Variants in SLIT2 observed in about 807,000 individuals in gnomAD.
The protein encoded by SLIT2 is slit homolog 2 protein.
Under a neutral mutation model 185.7 loss-of-function variants are expected in SLIT2, and 41 were observed. The observed-to-expected ratio is 0.22, with a 90% CI of 0.17 to 0.29. The LOEUF is 0.29. Ranked by LOEUF, SLIT2 falls within the 10% of genes least tolerant of loss-of-function variation. The probability of loss-of-function intolerance (pLI) is 1.00; values close to 1 mark genes in which losing one functional copy is unlikely to be tolerated. For synonymous variants in SLIT2, 693 were observed against 680.2 expected (o/e 1.02, Z -0.29); for missense variants, 1,571 against 1,909.0 (o/e 0.82, Z 3.30).
chr4:20,310,685 C>T (rs1057479192), intron 4 of SLIT2, among the ~76,000 whole-genome samples: 2 of 152,182 alleles, frequency 1.3e-5, no homozygotes, highest in Non-Finnish European at 2.9e-5. Context: ...CCTAAACCCA[C>T]GCCCCTGCAG....
At chr4:20,394,536 C>T (rs574031003) in intron 4 of SLIT2, 1 of 151,968 alleles carries the variant, frequency 6.6e-6, no homozygotes, top group South Asian at 2.1e-4. Flanking sequence ...TAGGAGACAA[C>T]TCTGCACTGT....
intron 36 of SLIT2, 29 bp from the exon 37 acceptor site, chr4:20,618,739 A>G: frequency 5.1e-6 from 8 of 1,558,470 alleles, no homozygotes; most frequent in Non-Finnish European, 7.0e-6. Flanking sequence ...ACTGTTCTTA[A>G]AATGCTTGTG....
chr4:20,536,266 C>A (rs756934803), intron 18 of SLIT2, among the ~76,000 whole-genome samples: 2 of 152,148 alleles, frequency 1.3e-5, no homozygotes, highest in Admixed American at 6.5e-5. Context: ...TTTATAAACA[C>A]TGTACACGGC....
intron 5 of SLIT2, among the ~76,000 whole-genome samples, chr4:20,469,510 G>A (rs1249106501): frequency 2.6e-5 from 4 of 152,036 alleles, no homozygotes; most frequent in African/African-American, 4.8e-5. Context: ...ACAGAAGCTA[G>A]TCAGTGTTCT....
chr4:20,466,122 T>C (rs1714325617), intron 4 of SLIT2, among the ~76,000 whole-genome samples: 1 of 152,200 alleles, frequency 6.6e-6, no homozygotes, highest in Non-Finnish European at 1.5e-5. Context: ...TCATTTCTTA[T>C]TACTTTCTTA....
At chr4:20,342,138 A>C (rs1721008712) in intron 4 of SLIT2, among the ~76,000 whole-genome samples, 1 of 152,144 alleles carries the variant, frequency 6.6e-6, no homozygotes, top group Admixed American at 6.5e-5. Context: ...ATTTATTATT[A>C]CTAGTTAATT....
chr4:20,320,048 G>A (rs994801160), intron 4 of SLIT2, among the ~76,000 whole-genome samples: 12 of 152,164 alleles, frequency 7.9e-5, no homozygotes, highest in Non-Finnish European at 1.5e-4. Flanking sequence ...CAGGGATGTA[G>A]TCACTGTACA....
At chr4:20,407,701 G>C (rs946723644) in intron 4 of SLIT2, among the ~76,000 whole-genome samples, 4 of 152,112 alleles carry the variant, frequency 2.6e-5, no homozygotes, top group African/African-American at 9.7e-5. Flanking sequence ...TTTTTTGTTT[G>C]AGTTAAGCTA....
At chr4:20,304,213 A>G (rs1417809408) in intron 4 of SLIT2, among the ~76,000 whole-genome samples, 1 of 152,182 alleles carries the variant, frequency 6.6e-6, no homozygotes, top group Non-Finnish European at 1.5e-5. Flanking sequence ...CATTGGATGA[A>G]TGATGCTACT....
At chr4:20,297,605 A>C (rs765488896) in intron 4 of SLIT2, among the ~76,000 whole-genome samples, 7 of 152,174 alleles carry the variant, frequency 4.6e-5, no homozygotes, top group Non-Finnish European at 8.8e-5. Context: ...AAATAGGCTA[A>C]CTGAAATAGG....
intron 26 of SLIT2, among the ~76,000 whole-genome samples, chr4:20,559,732 T>A (rs930261685): frequency 6.6e-6 from 1 of 151,984 alleles, no homozygotes; most frequent in Admixed American, 6.6e-5. Context: ...AAGCAATTTT[T>A]AAAAATCACT....
At chr4:20,303,184 T>A (rs1478193923) in intron 4 of SLIT2, among the ~76,000 whole-genome samples, 1 of 152,224 alleles carries the variant, frequency 6.6e-6, no homozygotes, top group East Asian at 1.9e-4. Context: ...CTTTGGATTC[T>A]GTTTGTAAAA....
At chr4:20,523,664 T>A in intron 12 of SLIT2, 96 bp from the exon 13 acceptor site, 1 of 960,210 alleles carries the variant, frequency 1.0e-6, no homozygotes, top group Non-Finnish European at 1.6e-6. Flanking sequence ...TGAAAAGAAA[T>A]ATATTTCTTG....
At chr4:20,368,448 A>T (rs537702229) in intron 4 of SLIT2, among the ~76,000 whole-genome samples, 1 of 152,130 alleles carries the variant, frequency 6.6e-6, no homozygotes, top group East Asian at 1.9e-4. Flanking sequence ...TTTGTTAAAG[A>T]TAATTGAAAA....
At chr4:20,417,534 A>G (rs1055712624) in intron 4 of SLIT2, among the ~76,000 whole-genome samples, 4 of 149,662 alleles carry the variant, frequency 2.7e-5, no homozygotes, top group South Asian at 2.1e-4. Context: ...ATATATATAT[A>G]TGTATATATA....
rs1389768696 is a variant in SLIT2 at position 20,484,303 on chromosome 4, T to C, written c.540-1897T>C. 6.6e-6 allele frequency among the ~76,000 whole-genome samples: 1 copy of C among 152,112 alleles called. No homozygotes were observed. Among genetic ancestry groups the C allele is most frequent in the Non-Finnish European group, 1.5e-5 (1 of 68,002 alleles). ...TGAAAGCAAATCCCATTGAGAAGTT[T>C]AACCTTTGCATTCAAACATCAGGAT... On this transcript the variant is annotated intron_variant, in intron 6 of 36. Coordinates refer to ENST00000504154, the MANE Select transcript of SLIT2 (RefSeq NM_004787.4). This position sits in a 1 kb window ranked among gnomAD's most constrained non-coding sequence, Gnocchi z 4.3.
At chr4:20,563,225 C>T (rs962965316) in intron 26 of SLIT2, among the ~76,000 whole-genome samples, 3 of 151,852 alleles carry the variant, frequency 2.0e-5, no homozygotes, top group Admixed American at 6.6e-5. Context: ...AAAACCAAAT[C>T]TTAAATCAAT....
rs553832725 is a variant in SLIT2 at position 20,427,430 on chromosome 4, C to T, written c.396-40322C>T. Among the ~76,000 whole-genome samples the T allele has an allele frequency of 2.6e-3, 398 of 152,282 alleles. 1 individual carries two copies. Among genetic ancestry groups the T allele is most frequent in the Middle Eastern group, 6.8e-3 (2 of 294 alleles). On this transcript the variant is annotated intron_variant, in intron 4 of 36. Coordinates refer to ENST00000504154, the MANE Select transcript of SLIT2 (RefSeq NM_004787.4). ...CTTACACAATAAGTCTGTACATCCA[C>T]AGAATCAAAGATATTTGGTCAAAAG...
intron 4 of SLIT2, among the ~76,000 whole-genome samples, chr4:20,330,684 A>T (rs1280687532): frequency 7.6e-6 from 1 of 132,174 alleles, no homozygotes; most frequent in Non-Finnish European, 1.6e-5. Context: ...GGTTTTGTGG[A>T]TTCTTTGATT....
Sources: gnomAD v4.1 joint callset for allele counts (sites outside exome capture counted in the v4.1 genomes callset) on GRCh38, gnomAD v4.1.1 for gene constraint, Gnocchi (gnomAD v3.1) non-coding constraint, MANE v1.5 for transcripts, NCBI Gene and HGNC (gene_info 2026-07-23, HGNC 2026-07-21) for gene names.